Variants in KDM7A observed in about 807,000 individuals in gnomAD.
The protein encoded by KDM7A is lysine demethylase 7A.
In KDM7A, 28 loss-of-function variants were observed where a neutral mutation model predicts 114.8. The ratio of observed to expected loss-of-function variants is 0.24; its 90% CI spans 0.18 to 0.33. The LOEUF is 0.33. KDM7A is among the 10% of genes least tolerant of loss of function. The pLI is 1.00. For synonymous variants in KDM7A, 423 were observed against 397.8 expected (o/e 1.06, Z -0.75); for missense variants, 942 against 1,142.5 (o/e 0.82, Z 2.53).
At chr7:140,162,833 G>C (rs1215414317) in intron 1 of KDM7A, among the ~76,000 whole-genome samples, 1 of 152,032 alleles carries the variant, frequency 6.6e-6, no homozygotes, top group Admixed American at 6.6e-5. Context: ...ACCAACTCAA[G>C]AATCCATCAA....
At chr7:140,146,265 A>C (rs1433106621) in intron 1 of KDM7A, among the ~76,000 whole-genome samples, 1 of 152,240 alleles carries the variant, frequency 6.6e-6, no homozygotes, top group Non-Finnish European at 1.5e-5. Context: ...AAAAGTTAAC[A>C]TTCCTAAACC....
chr7:140,121,200 A>C (rs1049334550), intron 7 of KDM7A, among the ~76,000 whole-genome samples: 2 of 152,214 alleles, frequency 1.3e-5, no homozygotes, highest in Non-Finnish European at 2.9e-5. Context: ...TGTTGCCAAA[A>C]AATGATATTT....
chr7:140,142,172 T>A (rs1032116117), intron 1 of KDM7A, among the ~76,000 whole-genome samples: 1 of 150,672 alleles, frequency 6.6e-6, no homozygotes, highest in African/African-American at 2.4e-5. Flanking sequence ...AAACACAAAG[T>A]ACAAAGGTTG....
Position 140,092,069 on chromosome 7 carries a change from A to G in KDM7A, c.2466T>C (p.Ser822=), listed in dbSNP as rs776213840. The change falls in exon 19 of 20, where the codon AGT becomes AGC. Residue 822 remains serine (S), a synonymous_variant. Transcript: ENST00000397560. ...DTSRFHPQDL[S]RSQKCIRKEG... ...CCTTTCTGATGCATTTCTGGCTTCTACTTAGATCCTGAAGGAGGAGGAAGG... is the reference window on the plus strand; with the variant it reads ...CCTTTCTGATGCATTTCTGGCTTCTGCTTAGATCCTGAAGGAGGAGGAAGG... 1.9e-6 allele frequency: 3 copies of G among 1,613,922 alleles called. No homozygotes were observed. Among genetic ancestry groups the G allele is most frequent in the Non-Finnish European group, 2.5e-6 (3 of 1,179,946 alleles).
intron 1 of KDM7A, among the ~76,000 whole-genome samples, chr7:140,174,471 T>C (rs1409747297): frequency 6.6e-6 from 1 of 152,234 alleles, no homozygotes; most frequent in African/African-American, 2.4e-5. Context: ...CTTACATGTA[T>C]TACAAAATTC....
intron 1 of KDM7A, among the ~76,000 whole-genome samples, chr7:140,170,794 G>A (rs994765198): frequency 6.6e-6 from 1 of 152,144 alleles, no homozygotes; most frequent in Admixed American, 6.5e-5. Context: ...TGTATTTCTA[G>A]CACAAATACA....
chr7:140,103,464 C>CA (rs1229722476), intron 11 of KDM7A, among the ~76,000 whole-genome samples: 3 of 151,754 alleles, frequency 2.0e-5, no homozygotes, highest in African/African-American at 2.4e-5. Flanking sequence ...CCTCCCCCCC[C>CA]CTCCAACCCA....
rs1378911941 is a variant in KDM7A, at chr7:140,115,868, ATAAAT to A, written c.1247-2291_1247-2287del. Among the ~76,000 whole-genome samples the A allele has an allele frequency of 6.7e-3, 522 of 78,130 alleles. 2 individuals carry two copies. Among genetic ancestry groups the A allele is most frequent in the Non-Finnish European group, 0.011 (381 of 34,670 alleles). 51.3% of individuals were successfully genotyped at this position (78,130 alleles called of 152,430 possible). ...AGTACAAGAAAAGTAAAAAAAAAAA[ATAAAT>A]GTCATACAATATTTTTATCATAAAA... On this transcript the variant is annotated intron_variant, in intron 9 of 19. Transcript: ENST00000397560.
rs1585175445 is a variant in KDM7A, at chr7:140,176,957, G to A, written c.-20C>T. 2.7e-6 allele frequency: 3 copies of A among 1,120,126 alleles called. No individual in the cohort carries two copies. The highest frequency in any genetic ancestry group is 5.0e-5 in the East Asian group (1 of 20,016). 69.4% of individuals were successfully genotyped at this position (1,120,126 alleles called of 1,614,324 possible). ...GGCCATCTTTAAAAAACACACACAC[G>A]CTCGCTCGCTACTCCGCTCGCCGAC... is the stretch of plus-strand genomic sequence containing the variant. On this transcript the variant is annotated 5_prime_UTR_variant, in exon 1 of 20. Transcript: ENST00000397560. This position sits in a 1 kb window ranked among gnomAD's most constrained non-coding sequence, Gnocchi z 4.4.
intron 1 of KDM7A, among the ~76,000 whole-genome samples, chr7:140,143,025 C>T (rs917739367): frequency 6.6e-6 from 1 of 151,434 alleles, no homozygotes; most frequent in African/African-American, 2.4e-5. Flanking sequence ...ACTAAAAATA[C>T]AAAAAATTAG....
intron 12 of KDM7A, among the ~76,000 whole-genome samples, chr7:140,100,614 A>T (rs1818184183): frequency 6.7e-6 from 1 of 148,896 alleles, no homozygotes; most frequent in Non-Finnish European, 1.5e-5. Flanking sequence ...GAACAGCATA[A>T]TCTTAAAACA....
intron 1 of KDM7A, among the ~76,000 whole-genome samples, chr7:140,161,608 C>T (rs113122851): frequency 2.0e-4 from 31 of 151,422 alleles, no homozygotes; most frequent in African/African-American, 7.5e-4. Flanking sequence ...AGTGCTGTGG[C>T]GTGATCTCGG....
intron 9 of KDM7A, among the ~76,000 whole-genome samples, chr7:140,116,671 T>C (rs1232219846): frequency 6.6e-6 from 1 of 152,168 alleles, no homozygotes; most frequent in Admixed American, 6.5e-5. Flanking sequence ...GCGTGTGTGA[T>C]CTATATAATC....
At chr7:140,168,921 G>T (rs1291455268) in intron 1 of KDM7A, among the ~76,000 whole-genome samples, 1 of 152,156 alleles carries the variant, frequency 6.6e-6, no homozygotes, top group African/African-American at 2.4e-5. Flanking sequence ...AATGAATCCT[G>T]TGGTGTTATA....
intron 1 of KDM7A, among the ~76,000 whole-genome samples, chr7:140,155,640 AAGC>A (rs1794450198): frequency 6.6e-6 from 1 of 152,238 alleles, no homozygotes; most frequent in Non-Finnish European, 1.5e-5. Flanking sequence ...GAACTGGTCA[AAGC>A]AGACTAACAG....
intron 1 of KDM7A, among the ~76,000 whole-genome samples, chr7:140,161,987 T>A (rs1278361416): frequency 6.6e-6 from 1 of 152,134 alleles, no homozygotes; most frequent in East Asian, 1.9e-4. Flanking sequence ...ATGGTATAAG[T>A]TCCCCCAGCT....
intron 1 of KDM7A, among the ~76,000 whole-genome samples, chr7:140,143,631 C>G (rs1794309776): frequency 6.6e-6 from 1 of 152,134 alleles, no homozygotes; most frequent in African/African-American, 2.4e-5. Flanking sequence ...AGCAATAAAT[C>G]AGAGACCTCC....
chr7:140,110,309 A>G (rs1437797024), intron 11 of KDM7A, among the ~76,000 whole-genome samples: 1 of 152,188 alleles, frequency 6.6e-6, no homozygotes, highest in Non-Finnish European at 1.5e-5. Flanking sequence ...TTTGATACTA[A>G]ATCAATTTAA....
At chr7:140,118,940 ACT>A (rs1014174989) in intron 9 of KDM7A, among the ~76,000 whole-genome samples, 171 bp downstream of exon 9, 1 of 152,064 alleles carries the variant, frequency 6.6e-6, no homozygotes, top group African/African-American at 2.4e-5. Context: ...TGGACTAAAG[ACT>A]CTAACTTGCT....
Sources: allele counts gnomAD v4.1 joint callset (sites outside exome capture counted in the v4.1 genomes callset), GRCh38; gene constraint gnomAD v4.1.1; non-coding constraint Gnocchi (gnomAD v3.1); transcripts MANE v1.5; gene names NCBI Gene and HGNC (gene_info 2026-07-23, HGNC 2026-07-21).